XKR4: variants seen among roughly 807,000 people sequenced by gnomAD.
XKR4 encodes the protein XK related 4.
A neutral mutation model predicts 53.9 loss-of-function variants in XKR4; 12 were observed. The ratio of observed to expected loss-of-function variants is 0.22; its 90% CI spans 0.14 to 0.36. XKR4 has a LOEUF of 0.36. Ranked by LOEUF, XKR4 falls within the 10% of genes least tolerant of loss-of-function variation. XKR4 has a pLI of 1.00. For synonymous variants in XKR4, 354 were observed against 362.4 expected (o/e 0.98, Z 0.26); for missense variants, 799 against 859.5 (o/e 0.93, Z 0.88).
intron 1 of XKR4, among the ~76,000 whole-genome samples, chr8:55,356,540 G>C (rs1173082992): frequency 1.3e-5 from 2 of 152,142 alleles, no homozygotes; most frequent in African/African-American, 4.8e-5. Flanking sequence ...TTAAAAAATT[G>C]TGATAATCAG....
Position 55,482,173 on chromosome 8 carries a change from T to G in XKR4, c.1007-41108T>G, listed in dbSNP as rs530869222. ...AATGTCCAACAATGATAGACTGGATTAAGAAAATGTGGCACATATACACCA... is the reference window on the plus strand; with the variant it reads ...AATGTCCAACAATGATAGACTGGATGAAGAAAATGTGGCACATATACACCA... On this transcript the variant is annotated intron_variant, in intron 2 of 2. Coordinates refer to ENST00000327381, the MANE Select transcript of XKR4 (RefSeq NM_052898.2). 4.0e-4 allele frequency among the ~76,000 whole-genome samples: 61 copies of G among 152,064 alleles called. 1 individual carries two copies. The highest frequency in any genetic ancestry group is 1.2e-3 in the African/African-American group (48 of 41,472).
At chr8:55,395,509 C>A (rs1358373463) in intron 2 of XKR4, among the ~76,000 whole-genome samples, 1 of 152,006 alleles carries the variant, frequency 6.6e-6, no homozygotes, top group Non-Finnish European at 1.5e-5. Context: ...AGCAGATGGA[C>A]CCAGCCCACA....
At chr8:55,484,293 AG>A (rs1171389928) in intron 2 of XKR4, among the ~76,000 whole-genome samples, 3 of 152,266 alleles carry the variant, frequency 2.0e-5, no homozygotes, top group African/African-American at 7.2e-5. Flanking sequence ...TCCAGAGCAT[AG>A]AAAAGGAAGA....
At position 55,435,563 on chromosome 8, in the gene XKR4, TA is replaced by T. The variant is rs1563349179; in HGVS notation, c.1006+77687del. Among the ~76,000 whole-genome samples the T allele has an allele frequency of 2.8e-5, 4 of 144,810 alleles. No homozygotes were observed. In the East Asian group the frequency reaches 9.2e-4, roughly 33 times the overall value. ...CTAATAGGCAACCTCTTTTTTTTTT[TA>T]TTTTTTTATTTTTTTTTAATTTTGA... On this transcript the variant is annotated intron_variant, in intron 2 of 2. Transcript: ENST00000327381.
chr8:55,333,520 G>T (rs1803409015), intron 1 of XKR4, among the ~76,000 whole-genome samples: 1 of 152,034 alleles, frequency 6.6e-6, no homozygotes, highest in Non-Finnish European at 1.5e-5. Flanking sequence ...ATTTCCCTAG[G>T]AGTTTCACCC....
At chr8:55,189,131 T>C (rs898324221) in intron 1 of XKR4, among the ~76,000 whole-genome samples, 2 of 152,184 alleles carry the variant, frequency 1.3e-5, no homozygotes, top group African/African-American at 4.8e-5. Context: ...AAGAGTTAAT[T>C]GTGATTTCGA....
At chr8:55,123,744 AG>A in intron 1 of XKR4, among the ~76,000 whole-genome samples, 1 of 152,294 alleles carries the variant, frequency 6.6e-6, no homozygotes, top group Admixed American at 6.5e-5. Context: ...TGTGTCCCAC[AG>A]GGGACACCCC....
intron 1 of XKR4, among the ~76,000 whole-genome samples, chr8:55,328,501 G>A (rs1405342502): frequency 6.6e-6 from 1 of 152,048 alleles, no homozygotes; most frequent in Non-Finnish European, 1.5e-5. Context: ...CCTTCTGAAG[G>A]CCTTCAGCCC....
Position 55,449,665 on chromosome 8 carries a change from TG to T in XKR4, c.1007-73615del, listed in dbSNP as rs1334707899. ...GGGCACCCATGGTGGCCATGCCAGG[TG>T]CCACAGCCTCCACCTCCACCTCCAC... On this transcript the variant is annotated intron_variant, in intron 2 of 2. Coordinates refer to ENST00000327381, the MANE Select transcript of XKR4 (RefSeq NM_052898.2). 19 of 899,750 alleles carry T rather than the reference TG, an allele frequency of 2.1e-5. No homozygotes were observed. In the East Asian group the frequency reaches 3.8e-4, roughly 18 times the overall value. The allele number at this position is 899,750 out of a possible 1,614,324, so 55.7% of individuals were successfully genotyped here.
intron 2 of XKR4, among the ~76,000 whole-genome samples, chr8:55,476,867 G>C (rs904667860): frequency 6.6e-6 from 1 of 152,112 alleles, no homozygotes; most frequent in Non-Finnish European, 1.5e-5. Flanking sequence ...CATTACCCAG[G>C]CTTGATTAGG....
intron 2 of XKR4, among the ~76,000 whole-genome samples, chr8:55,419,004 C>T (rs771600848): frequency 7.2e-5 from 11 of 152,104 alleles, no homozygotes; most frequent in African/African-American, 7.2e-5. Context: ...GGACAGGCAG[C>T]GCTTTCTCCT....
At chr8:55,348,588 T>C (rs1231681318) in intron 1 of XKR4, among the ~76,000 whole-genome samples, 1 of 151,756 alleles carries the variant, frequency 6.6e-6, no homozygotes, top group African/African-American at 2.4e-5. Context: ...GGTTACAATA[T>C]AGGACATGAG....
chr8:55,364,505 G>C (rs1003810635), intron 2 of XKR4, among the ~76,000 whole-genome samples: 1 of 152,234 alleles, frequency 6.6e-6, no homozygotes, highest in Non-Finnish European at 1.5e-5. Context: ...TCCCCAGGCA[G>C]GGTTGTCTGA....
chr8:55,435,210 A>G (rs1002920835), intron 2 of XKR4, among the ~76,000 whole-genome samples: 2 of 152,202 alleles, frequency 1.3e-5, no homozygotes, highest in African/African-American at 4.8e-5. Context: ...CAGTCCGCTT[A>G]TAGGGCTAAT....
intron 1 of XKR4, among the ~76,000 whole-genome samples, chr8:55,288,040 T>C (rs1280665121): frequency 2.6e-5 from 4 of 152,188 alleles, no homozygotes; most frequent in Admixed American, 2.0e-4. Context: ...ATTTTTTGTG[T>C]GATTTTTTTG....
chr8:55,398,296 C>A (rs1419736918), intron 2 of XKR4, among the ~76,000 whole-genome samples: 2 of 152,172 alleles, frequency 1.3e-5, no homozygotes, highest in Non-Finnish European at 2.9e-5. Flanking sequence ...CCACCAAGCA[C>A]CCTCGCCATG....
intron 2 of XKR4, chr8:55,452,170 G>C: frequency 1.4e-6 from 1 of 725,770 alleles, no homozygotes; most frequent in South Asian, 1.7e-5. Flanking sequence ...TTGCAGAAGA[G>C]CTCGGCACTG....
chr8:55,169,058 C>G (rs1817112743), intron 1 of XKR4, among the ~76,000 whole-genome samples: 1 of 152,272 alleles, frequency 6.6e-6, no homozygotes, highest in East Asian at 1.9e-4. Flanking sequence ...CAATTTTTAT[C>G]TTTCTAGACA....
intron 2 of XKR4, among the ~76,000 whole-genome samples, chr8:55,446,639 G>A (rs1384072184): frequency 1.3e-5 from 2 of 152,284 alleles, no homozygotes; most frequent in African/African-American, 2.4e-5. Context: ...GTGAGCTACT[G>A]TGCCCGGCTA....
Sources: gnomAD v4.1 joint callset for allele counts (sites outside exome capture counted in the v4.1 genomes callset) on GRCh38, gnomAD v4.1.1 for gene constraint, MANE v1.5 for transcripts, NCBI Gene and HGNC (gene_info 2026-07-23, HGNC 2026-07-21) for gene names.